The following MAN2A2 variants were observed in gnomAD, a reference collection of about 807,000 sequenced individuals.
The protein encoded by MAN2A2 is alpha-mannosidase 2x.
In MAN2A2, 79 loss-of-function variants were observed where a neutral mutation model predicts 126.8. The ratio of observed to expected loss-of-function variants is 0.62; its 90% confidence interval spans 0.52 to 0.75. MAN2A2 has a LOEUF of 0.75. MAN2A2 is among the 30% of genes least tolerant of loss of function. The probability of loss-of-function intolerance (pLI) is 0.00; values close to 1 mark genes in which losing one functional copy is unlikely to be tolerated. For synonymous variants in MAN2A2, 671 were observed against 618.7 expected, an observed-to-expected ratio of 1.08 and a Z score of -1.25; for missense variants, 1,392 against 1,522.4, an observed-to-expected ratio of 0.91 and a Z score of 1.43.
chr15:90,917,186 G>A (rs997277909), intron 20 of MAN2A2, among the ~76,000 whole-genome samples: 1 of 152,218 alleles, frequency 6.6e-6, no homozygotes, highest in African/African-American at 2.4e-5. Flanking sequence ...CACACTTCAA[G>A]TACTCAAGTG....
chr15:90,912,651 A>C lies in MAN2A2; in HGVS notation c.2456A>C (p.Asp819Ala). ...DKSGAYLFLPDGEAKPYVPKE... is the reference protein window; with the variant it reads ...DKSGAYLFLPAGEAKPYVPKE... ...AGTGGAGCCTACCTCTTCCTGCCCG[A>C]TGGCGAGGCCAAGGTATCCTAAAGA... The change falls in exon 16 of 23, where the codon GAT (aspartate) becomes GCT (alanine). Residue 819 changes from aspartate to alanine, a missense_variant. Transcript: ENST00000559717. The C allele has an allele frequency of 6.2e-7, 1 of 1,614,124 alleles. No individual in the cohort carries two copies. Among genetic ancestry groups the C allele is most frequent in the South Asian group, 1.1e-5 (1 of 91,084 alleles).
Position 90,911,467 on chromosome 15 carries a change from C to T in MAN2A2, c.2026C>T (p.Leu676Phe), listed in dbSNP as rs267604385. ...LLVNSPRVRV[L>F]SEEGQPLAVQ... ...GGTCAACTCTCCCCGCGTGCGTGTC[C>T]TTTCGGAGGAGGGTCAGCCCCTGGC... Residue 676 changes from leucine (L) to phenylalanine (F), a missense_variant, in exon 14 of 23, where the codon CTT becomes TTT. Transcript: ENST00000559717. 6.8e-6 allele frequency: 11 copies of T among 1,614,118 alleles called. No homozygotes were observed. The Admixed American group carries it at 1.8e-4, about 27-fold the overall frequency.
intron 21 of MAN2A2, 123 bp downstream of exon 21, chr15:90,918,511 T>G: frequency 7.7e-7 from 1 of 1,297,658 alleles, no homozygotes; most frequent in Non-Finnish European, 1.1e-6. Context: ...GCTCCAAACC[T>G]CCAGGACCAG....
chr15:90,922,236 T>C lies in MAN2A2; in HGVS notation c.*2449T>C, dbSNP rs1488279784. 6.6e-6 allele frequency: 1 copy of C among 152,170 alleles called. No homozygotes were observed. Among genetic ancestry groups the C allele is most frequent in the East Asian group, 1.9e-4 (1 of 5,194 alleles). The allele number at this position is 152,170 out of a possible 1,614,324, so 9.4% of individuals were successfully genotyped here. ...AGGAGAAAAGCTTGCTTCAGGGTCC[T>C]TAGAGAAAGTCACTGGGGCCTGCCA... On this transcript the variant is annotated 3_prime_UTR_variant, in exon 23 of 23. Transcript: ENST00000559717.
At position 90,905,960 on chromosome 15, in the gene MAN2A2, C is replaced by T. The variant is rs373746196; in HGVS notation, c.651C>T (p.Ser217=). The T allele has an allele frequency of 1.8e-4, 288 of 1,613,864 alleles. No individual in the cohort carries two copies. Among genetic ancestry groups the T allele is most frequent in the Middle Eastern group, 3.3e-4 (2 of 6,082 alleles). ...GGCGCTTCCTCTGGGCAGAGGTCTC[C>T]TTCTTCGCCAAGTGGTGGGACAACA... ...PRRRFLWAEV[S]FFAKWWDNIN... is the part of the protein sequence containing the mutation. The change falls in exon 5 of 23, where the codon TCC becomes TCT. Residue 217 remains serine (S), a synonymous_variant. Coordinates refer to ENST00000559717, the MANE Select transcript of MAN2A2 (RefSeq NM_006122.4).
intron 8 of MAN2A2, 68 bp from the exon 9 acceptor site, chr15:90,909,259 T>A (rs1430264212): frequency 4.0e-6 from 6 of 1,488,368 alleles, no homozygotes; most frequent in Non-Finnish European, 4.6e-6. Flanking sequence ...GCTGGCGGGA[T>A]GGCTGTGCGT....
In MAN2A2 at chr15:90,909,352, C is replaced by T. The variant is rs372588876; in HGVS notation, c.1222C>T (p.Arg408Trp). 1.1e-5 allele frequency: 17 copies of T among 1,613,260 alleles called. No individual in the cohort carries two copies. The highest frequency in any genetic ancestry group is 6.8e-6 in the Non-Finnish European group (8 of 1,179,310). The change falls in exon 9 of 23, where the codon CGG (arginine) becomes TGG (tryptophan). Residue 408 changes from arginine to tryptophan, a missense_variant. By Grantham distance (101) the Arg-to-Trp change is moderately radical. Coordinates refer to ENST00000559717, the MANE Select transcript of MAN2A2 (RefSeq NM_006122.4). ...ERAALLLDQY[R>W]KKSQLFRSNV... Reference sequence around the variant, plus strand: ...GGCAGCCCTGCTTCTGGACCAATACCGGAAGAAGTCCCAGCTGTTCCGAAG... The same window carrying T: ...GGCAGCCCTGCTTCTGGACCAATACTGGAAGAAGTCCCAGCTGTTCCGAAG...
In MAN2A2 at chr15:90,905,476, T is replaced by G. The variant is rs1469632213; in HGVS notation, c.358T>G (p.Leu120Val). ...SISPQDCQFA[L>V]GGRGQKPELQ... ...CTCCCCGCAGGACTGCCAGTTTGCT[T>G]TGGGGGGCCGGGGTCAGAAGCCAGA... The change falls in exon 3 of 23, where the codon TTG becomes GTG. Residue 120 changes from leucine to valine, a missense_variant. Transcript: ENST00000559717. 22 of 1,613,830 alleles carry G rather than the reference T, an allele frequency of 1.4e-5. No individual in the cohort carries two copies. Among genetic ancestry groups the G allele is most frequent in the Non-Finnish European group, 1.9e-5 (22 of 1,180,000 alleles).
At chr15:90,907,262 T>A (rs2034372347) in intron 7 of MAN2A2, 47 bp from the exon 8 acceptor site, 1 of 1,576,744 alleles carries the variant, frequency 6.3e-7, no homozygotes. Context: ...CCCCCTGGCG[T>A]CCAGAGGCTG....
At position 90,921,160 on chromosome 15, in the gene MAN2A2, T is replaced by G. The variant is rs2035526210; in HGVS notation, c.*1373T>G. ...TAAGGAAGAATTATAATTGTCATTATTTGTAGACAATAAAACTGCCTACCT... is the reference window on the plus strand; with the variant it reads ...TAAGGAAGAATTATAATTGTCATTAGTTGTAGACAATAAAACTGCCTACCT... On this transcript the variant is annotated 3_prime_UTR_variant, in exon 23 of 23. Transcript: ENST00000559717. The G allele has an allele frequency of 6.6e-6, 1 of 152,266 alleles. No individual in the cohort carries two copies. The highest frequency in any genetic ancestry group is 1.5e-5 in the Non-Finnish European group (1 of 68,056). 9.4% of individuals were successfully genotyped at this position (152,266 alleles called of 1,614,324 possible). A position where few individuals can be genotyped will look rare whatever the true frequency, so the allele number is the denominator to read the frequency against.
chr15:90,904,880 C>T (rs746131434), intron 2 of MAN2A2, among the ~76,000 whole-genome samples: 3 of 152,364 alleles, frequency 2.0e-5, no homozygotes, highest in East Asian at 3.9e-4. Flanking sequence ...CAGGTGTGGG[C>T]CACCGCGCCC....
At position 90,906,458 on chromosome 15, in the gene MAN2A2, C is replaced by T. The variant is rs1596142106; in HGVS notation, c.796C>T (p.Gln266Ter). Reference protein sequence around the residue: ...ANSHYFALIDQLIEGHQWLER... With the variant: ...ANSHYFALID The stretch of plus-strand genomic sequence containing the variant: ...TTCCCACTACTTTGCATTGATTGAC[C>T]AGCTCATCGAAGGACACCAGTGGCT... Residue 266 changes from glutamine to a stop codon, truncating the protein, a stop_gained, in exon 6 of 23, where the codon CAG becomes TAG. Transcript: ENST00000559717. LOFTEE classifies it high-confidence loss of function. 1.2e-6 allele frequency: 2 copies of T among 1,614,156 alleles called. No homozygotes were observed. Among genetic ancestry groups the T allele is most frequent in the Non-Finnish European group, 1.7e-6 (2 of 1,180,008 alleles).
At chr15:90,911,599 C>A in intron 14 of MAN2A2, 49 bp downstream of exon 14, 1 of 1,545,690 alleles carries the variant, frequency 6.5e-7, no homozygotes, top group Non-Finnish European at 8.7e-7. Flanking sequence ...CCGTCGTGGG[C>A]CCCTCCCCGC....
Position 90,911,232 on chromosome 15 carries a change from C to T in MAN2A2, c.1937C>T (p.Ser646Leu), listed in dbSNP as rs200259502. ...CGCACGGTGATCCAGCTGGATTCCT[C>T]GCCCAGGTAACCTGGACTACGCCAT... ...PERTVIQLDS[S>L]PRFVVLFNPL... Residue 646 changes from serine (S) to leucine (L), a missense_variant, in exon 13 of 23, where the codon TCG (serine) becomes TTG (leucine). By Grantham distance (145) the Ser-to-Leu change is moderately radical. Coordinates refer to ENST00000559717, the MANE Select transcript of MAN2A2 (RefSeq NM_006122.4). 2.5e-4 allele frequency: 400 copies of T among 1,613,932 alleles called. No individual in the cohort carries two copies. Among genetic ancestry groups the T allele is most frequent in the Middle Eastern group, 4.9e-4 (3 of 6,082 alleles).
At position 90,909,365 on chromosome 15, in the gene MAN2A2, A is replaced by C. The variant is rs2106673; in HGVS notation, c.1235A>C (p.Gln412Pro). 6.2e-7 allele frequency: 1 copy of C among 1,613,448 alleles called. No individual in the cohort carries two copies. The highest frequency in any genetic ancestry group is 8.5e-7 in the Non-Finnish European group (1 of 1,179,610). The change falls in exon 9 of 23, where the codon CAG (glutamine) becomes CCG (proline). Residue 412 changes from glutamine to proline, a missense_variant. Physicochemically the swap from Gln to Pro is moderately conservative, Grantham distance 76. Coordinates refer to ENST00000559717, the MANE Select transcript of MAN2A2 (RefSeq NM_006122.4). ...LLLDQYRKKS[Q>P]LFRSNVLLVP... is the part of the protein sequence containing the mutation. ...CTGGACCAATACCGGAAGAAGTCCC[A>C]GCTGTTCCGAAGCAACGTCCTCCTG...
At chr15:90,918,513 C>A in intron 21 of MAN2A2, 125 bp downstream of exon 21, 1 of 1,290,446 alleles carries the variant, frequency 7.7e-7, no homozygotes, top group Non-Finnish European at 1.1e-6. Context: ...TCCAAACCTC[C>A]AGGACCAGGT....
At chr15:90,904,048 A>G in intron 1 of MAN2A2, 142 bp from the exon 2 acceptor site, 1 of 880,468 alleles carries the variant, frequency 1.1e-6, no homozygotes, top group Non-Finnish European at 1.9e-6. Context: ...GGCCAGCCTC[A>G]GATGTGCTGC....
chr15:90,912,408 G>A, intron 15 of MAN2A2, 129 bp downstream of exon 15: 4 of 1,572,158 alleles, frequency 2.5e-6, no homozygotes, highest in Non-Finnish European at 2.6e-6. Context: ...CCGGGGCCTG[G>A]GCCATCTCAG....
chr15:90,913,532 A>T, intron 18 of MAN2A2, 82 bp from the exon 19 acceptor site: 1 of 1,566,134 alleles, frequency 6.4e-7, no homozygotes, highest in South Asian at 1.2e-5. Flanking sequence ...GCGAAGAGTT[A>T]TCGGGGACTC....
Sources: gnomAD v4.1 joint callset for allele counts (sites outside exome capture counted in the v4.1 genomes callset) on GRCh38, gnomAD v4.1.1 for gene constraint, MANE v1.5 for transcripts, NCBI Gene and HGNC (gene_info 2026-07-23, HGNC 2026-07-21) for gene names.